Variants in GRIK2 observed in about 807,000 individuals in gnomAD.
The protein encoded by GRIK2 is glutamate ionotropic receptor kainate type subunit 2.
GRIK2 carries 32 observed loss-of-function variants against 100.3 expected under a neutral mutation model. The observed-to-expected ratio is 0.32, with a 90% CI of 0.24 to 0.43. The LOEUF (loss-of-function observed/expected upper bound fraction) is 0.43. Among genes scored for constraint, GRIK2 ranks in the 20% least tolerant of loss-of-function variants. The probability of loss-of-function intolerance (pLI) is 1.00; values close to 1 mark genes in which losing one functional copy is unlikely to be tolerated. For synonymous variants in GRIK2, 417 were observed against 389.4 expected (o/e 1.07, Z -0.83); for missense variants, 843 against 1,114.9 (o/e 0.76, Z 3.47).
At chr6:101,402,245 TAC>T (rs764804397) in intron 2 of GRIK2, among the ~76,000 whole-genome samples, 9 of 151,662 alleles carry the variant, frequency 5.9e-5, no homozygotes, top group African/African-American at 1.7e-4. Flanking sequence ...AACACACACA[TAC>T]ACACACACAC....
chr6:101,771,212 T>C (rs899581473), intron 7 of GRIK2, among the ~76,000 whole-genome samples: 51 of 152,162 alleles, frequency 3.4e-4, no homozygotes, highest in African/African-American at 1.2e-3. Context: ...AAAAGAAGCA[T>C]ATTAGTTATC....
intron 7 of GRIK2, among the ~76,000 whole-genome samples, chr6:101,775,266 T>C (rs918404089): frequency 1.9e-4 from 29 of 152,242 alleles, no homozygotes; most frequent in African/African-American, 7.0e-4. Context: ...TGGAGAGACA[T>C]AGACATTTAT....
chr6:101,626,697 C>G, intron 4 of GRIK2, 60 bp downstream of exon 4: 2 of 1,435,032 alleles, frequency 1.4e-6, no homozygotes, highest in East Asian at 2.3e-5. Context: ...TTCTGAAGCC[C>G]ATTCCAGGTT....
intron 7 of GRIK2, among the ~76,000 whole-genome samples, chr6:101,723,402 A>C (rs540711084): frequency 6.6e-6 from 1 of 152,164 alleles, no homozygotes; most frequent in African/African-American, 2.4e-5. Flanking sequence ...TAAGATTTAA[A>C]AATAAAAGAA....
At chr6:101,835,193 A>T (rs2128430235) in intron 10 of GRIK2, among the ~76,000 whole-genome samples, 1 of 152,264 alleles carries the variant, frequency 6.6e-6, no homozygotes, top group Non-Finnish European at 1.5e-5. Context: ...TCTTGAAAGC[A>T]ATTTTGATAT....
chr6:101,502,162 G>T (rs1773790645), intron 2 of GRIK2, among the ~76,000 whole-genome samples: 1 of 152,054 alleles, frequency 6.6e-6, no homozygotes, highest in Non-Finnish European at 1.5e-5. Context: ...AGGGAAGCAG[G>T]TACTCTCCTA....
rs1265742873 is a variant in GRIK2 at position 102,068,506 on chromosome 6, G to A, written c.2722G>A (p.Ala908Thr). ...AAGGTTGCCAGGTAAAGAAACCATGGCATAAAGCTGGGAGGCCAAACACCC... is the reference window on the plus strand; with the variant it reads ...AAGGTTGCCAGGTAAAGAAACCATGACATAAAGCTGGGAGGCCAAACACCC... The part of the protein sequence containing the change: ...DRRLPGKETM[A>T] Residue 908 changes from alanine to threonine, a missense_variant, in exon 17 of 17, where the codon GCA becomes ACA. This residue lies in a region of GRIK2 where 87 missense variants were observed against 83.2 expected (regional missense o/e 1.05). Coordinates refer to ENST00000369134, the MANE Select transcript of GRIK2 (RefSeq NM_021956.5). 1 of 1,610,502 alleles carries A rather than the reference G, an allele frequency of 6.2e-7. No homozygotes were observed. Among genetic ancestry groups the A allele is most frequent in the African/African-American group, 1.3e-5 (1 of 74,742 alleles).
intron 10 of GRIK2, among the ~76,000 whole-genome samples, chr6:101,825,654 T>C (rs770153852): frequency 5.9e-5 from 9 of 152,038 alleles, no homozygotes; most frequent in Admixed American, 1.3e-4. Flanking sequence ...TTATTGTCCA[T>C]ACTATAAAAT....
intron 2 of GRIK2, among the ~76,000 whole-genome samples, chr6:101,502,169 C>G (rs540548221): frequency 1.3e-5 from 2 of 152,252 alleles, no homozygotes; most frequent in South Asian, 4.1e-4. Flanking sequence ...CAGGTACTCT[C>G]CTACACTGTT....
intron 2 of GRIK2, among the ~76,000 whole-genome samples, chr6:101,501,516 A>T (rs1012311253): frequency 4.6e-5 from 7 of 152,178 alleles, no homozygotes; most frequent in African/African-American, 1.7e-4. Context: ...TATCCACTCA[A>T]TGGCCACACT....
At chr6:101,917,281 T>C (rs1035898815) in intron 12 of GRIK2, among the ~76,000 whole-genome samples, 9 of 151,624 alleles carry the variant, frequency 5.9e-5, no homozygotes, top group Admixed American at 6.6e-5. Flanking sequence ...AACTATGAAG[T>C]CCATTTCCAC....
At chr6:101,773,852 CAT>C (rs1778563370) in intron 7 of GRIK2, among the ~76,000 whole-genome samples, 1 of 152,112 alleles carries the variant, frequency 6.6e-6, no homozygotes, top group Non-Finnish European at 1.5e-5. Flanking sequence ...CTCTAAATCT[CAT>C]ATTCTTTCTA....
chr6:102,006,390 A>ATATATATATATTTT (rs1315524835), intron 14 of GRIK2, among the ~76,000 whole-genome samples: 5 of 114,102 alleles, frequency 4.4e-5, no homozygotes, highest in Admixed American at 8.8e-5. Flanking sequence ...ATATATATAT[A>ATATATATATATTTT]TTTTTTTTTT....
At chr6:101,495,838 T>G (rs925652125) in intron 2 of GRIK2, among the ~76,000 whole-genome samples, 2 of 152,130 alleles carry the variant, frequency 1.3e-5, no homozygotes, top group African/African-American at 4.8e-5. Flanking sequence ...TTTTTCTAAC[T>G]AAATATTAAA....
At chr6:101,826,938 G>T (rs1782373792) in intron 10 of GRIK2, among the ~76,000 whole-genome samples, 1 of 151,788 alleles carries the variant, frequency 6.6e-6, no homozygotes, top group Non-Finnish European at 1.5e-5. Flanking sequence ...TTTCTTGAAA[G>T]TCGAGTTCAA....
intron 14 of GRIK2, among the ~76,000 whole-genome samples, chr6:101,992,196 G>A (rs781461823): frequency 1.1e-4 from 17 of 151,532 alleles, no homozygotes; most frequent in Admixed American, 3.3e-4. Flanking sequence ...TCTGTAAACA[G>A]CTTTTCTACA....
intron 12 of GRIK2, among the ~76,000 whole-genome samples, chr6:101,911,269 T>A (rs1025737595): frequency 2.0e-5 from 3 of 151,512 alleles, no homozygotes; most frequent in African/African-American, 7.3e-5. Flanking sequence ...CCCAGCAATA[T>A]GAGGTGCCTG....
intron 10 of GRIK2, among the ~76,000 whole-genome samples, chr6:101,844,171 AAATGT>A (rs1211533319): frequency 3.3e-5 from 5 of 152,224 alleles, no homozygotes; most frequent in Non-Finnish European, 5.9e-5. Flanking sequence ...CTCTTAGAAA[AAATGT>A]AATAAAATAT....
chr6:101,448,468 G>T (rs1182007711), intron 2 of GRIK2, among the ~76,000 whole-genome samples: 1 of 151,476 alleles, frequency 6.6e-6, no homozygotes, highest in Non-Finnish European at 1.5e-5. Flanking sequence ...AAGTTAGTGG[G>T]CAGTAAAGCG....
Sources: gnomAD v4.1 joint callset for allele counts (sites outside exome capture counted in the v4.1 genomes callset) on GRCh38, gnomAD v4.1.1 for gene constraint, gnomAD v4.1.1 regional missense constraint, MANE v1.5 for transcripts, NCBI Gene and HGNC (gene_info 2026-07-23, HGNC 2026-07-21) for gene names.